Variants in RBBP8 observed in about 807,000 individuals in gnomAD.
RBBP8 encodes RB binding protein 8, endonuclease, also known as DNA endonuclease RBBP8.
A neutral mutation model predicts 108.3 loss-of-function variants in RBBP8; 88 were observed. The ratio of observed to expected loss-of-function variants is 0.81; its 90% CI spans 0.68 to 0.97. The LOEUF (loss-of-function observed/expected upper bound fraction) is 0.97. RBBP8 is among the 50% of genes least tolerant of loss of function. The pLI, the probability that RBBP8 is intolerant of heterozygous loss-of-function variation, is 0.00. For missense variants in RBBP8, 1,023 were observed against 1,049.0 expected (o/e 0.98, Z 0.34); for synonymous variants, 332 against 348.2 (o/e 0.95, Z 0.52).
chr18:22,976,112 G>T (rs1914478527), intron 6 of RBBP8, among the ~76,000 whole-genome samples: 1 of 151,964 alleles, frequency 6.6e-6, no homozygotes, highest in African/African-American at 2.4e-5. Flanking sequence ...CATTATTTTG[G>T]CTTAGAATAG....
Position 22,993,169 on chromosome 18 carries a change from A to C in RBBP8, c.1342A>C (p.Lys448Gln), listed in dbSNP as rs754264740. 2.5e-6 allele frequency: 4 copies of C among 1,614,160 alleles called. No homozygotes were observed. The Admixed American group carries it at 6.7e-5, about 27-fold the overall frequency. ...ATTGGGAGGCCGAACATCCAAAAGGAAGAAAACTGAGGAAGAAAGTGAACA... is the reference window on the plus strand; with the variant it reads ...ATTGGGAGGCCGAACATCCAAAAGGCAGAAAACTGAGGAAGAAAGTGAACA... Reference protein sequence around the residue: ...KSLGGRTSKRKKTEEESEHEV... With the variant: ...KSLGGRTSKRQKTEEESEHEV... The change falls in exon 11 of 19, where the codon AAG becomes CAG. Residue 448 changes from lysine (K) to glutamine (Q), a missense_variant. Lys to Gln is a moderately conservative substitution (Grantham distance 53). Transcript: ENST00000327155.
intron 8 of RBBP8, among the ~76,000 whole-genome samples, chr18:22,988,351 G>C (rs1371296121): frequency 3.3e-5 from 5 of 152,116 alleles, no homozygotes; most frequent in African/African-American, 1.2e-4. Context: ...ACCTAACTGG[G>C]TTCATGTCCT....
chr18:22,996,302 C>G, intron 12 of RBBP8, 72 bp from the exon 13 acceptor site: 4 of 1,585,514 alleles, frequency 2.5e-6, no homozygotes, highest in Non-Finnish European at 3.4e-6. Flanking sequence ...TCTTTAGGTC[C>G]CATAATATTT....
intron 16 of RBBP8, among the ~76,000 whole-genome samples, chr18:23,013,275 T>C (rs1285722397): frequency 2.0e-5 from 3 of 152,128 alleles, no homozygotes; most frequent in Non-Finnish European, 2.9e-5. Flanking sequence ...GCTATGGTTT[T>C]TTAAGGATAG....
chr18:23,024,475 G>C (rs1383045122), intron 18 of RBBP8: 1 of 152,170 alleles, frequency 6.6e-6, no homozygotes, highest in Non-Finnish European at 1.5e-5. Context: ...AAGAGAGGAA[G>C]AATATTAGCT....
chr18:22,977,756 T>C (rs186833598), intron 6 of RBBP8: 3 of 152,298 alleles, frequency 2.0e-5, no homozygotes, highest in Non-Finnish European at 4.4e-5. Context: ...ACACTGCTTA[T>C]AAGTTATATT....
intron 4 of RBBP8, among the ~76,000 whole-genome samples, chr18:22,964,113 C>CA (rs1429803349): frequency 6.6e-6 from 1 of 152,128 alleles, no homozygotes; most frequent in East Asian, 1.9e-4. Context: ...TTTTCCCCCA[C>CA]AATCCCCACC....
chr18:22,949,573 A>G (rs1463064638), intron 3 of RBBP8, 45 bp from the exon 4 acceptor site: 1 of 1,335,340 alleles, frequency 7.5e-7, no homozygotes, highest in African/African-American at 1.4e-5. Flanking sequence ...TTATCCTGTT[A>G]AGAGTATTTT....
chr18:22,963,858 C>T (rs1913331078), intron 4 of RBBP8, among the ~76,000 whole-genome samples: 1 of 151,940 alleles, frequency 6.6e-6, no homozygotes, highest in Non-Finnish European at 1.5e-5. Flanking sequence ...CACTTTATTT[C>T]GATTAGTCCC....
Position 23,016,904 on chromosome 18 carries a change from A to G in RBBP8, c.2434A>G (p.Thr812Ala). 6.2e-7 allele frequency: 1 copy of G among 1,613,378 alleles called. No individual in the cohort carries two copies. Among genetic ancestry groups the G allele is most frequent in the Non-Finnish European group, 8.5e-7 (1 of 1,179,448 alleles). The change falls in exon 17 of 19, where the codon ACG becomes GCG. Residue 812 changes from threonine (T) to alanine (A), a missense_variant. Transcript: ENST00000327155. ...GGAGAGAAGAAAACTGCTTGGGCAC[A>G]CGTGTAAGGAATGTGAAATTGTAAG... ...KEERRKLLGH[T>A]CKECEIYYAD...
Position 22,993,661 on chromosome 18 carries a change from A to T in RBBP8, c.1812+22A>T, listed in dbSNP as rs1288452733. 3 of 1,614,242 alleles carry T rather than the reference A, an allele frequency of 1.9e-6. No homozygotes were observed. The East Asian group carries it at 6.7e-5, about 36-fold the overall frequency. On this transcript the variant is annotated intron_variant, in intron 11 of 18. Coordinates refer to ENST00000327155, the MANE Select transcript of RBBP8 (RefSeq NM_002894.3). ...AAAGGTTTGTGTTAAATGTTCAAGGATTTTGATTAAAATGATTGCTTGTGA... is the reference window on the plus strand; with the variant it reads ...AAAGGTTTGTGTTAAATGTTCAAGGTTTTTGATTAAAATGATTGCTTGTGA...
At chr18:22,968,633 A>G (rs1013704182) in intron 4 of RBBP8, among the ~76,000 whole-genome samples, 173 bp from the exon 5 acceptor site, 1 of 152,226 alleles carries the variant, frequency 6.6e-6, no homozygotes, top group Non-Finnish European at 1.5e-5. Flanking sequence ...AAATGGTGGT[A>G]TAACATGATT....
chr18:22,993,578 T>C lies in RBBP8; in HGVS notation c.1751T>C (p.Phe584Ser), dbSNP rs1915858008. ...SLQIKEENAV[F>S]KIPLRPRESL... ...CAAATAAAAGAAGAAAATGCTGTCTTTAAAATTCCTCTACGTCCACGTGAA... is the reference window on the plus strand; with the variant it reads ...CAAATAAAAGAAGAAAATGCTGTCTCTAAAATTCCTCTACGTCCACGTGAA... The change falls in exon 11 of 19, where the codon TTT becomes TCT. Residue 584 changes from phenylalanine to serine, a missense_variant. Phe to Ser is a radical substitution (Grantham distance 155, BLOSUM62 -2). Transcript: ENST00000327155. 6.2e-7 allele frequency: 1 copy of C among 1,613,788 alleles called. No individual in the cohort carries two copies. The highest frequency in any genetic ancestry group is 1.3e-5 in the African/African-American group (1 of 74,866).
At position 22,936,765 on chromosome 18, in the gene RBBP8, G is replaced by T. The variant is rs1910609341; in HGVS notation, c.-87G>T. On this transcript the variant is annotated 5_prime_UTR_variant, in exon 2 of 19. Transcript: ENST00000327155. ...ATCTGTCATTTCAGGTATTTGACCT[G>T]TCCAAAGACGACTTGATACCTCTAT... is the stretch of plus-strand genomic sequence containing the variant. 2 of 1,501,482 alleles carry T rather than the reference G, an allele frequency of 1.3e-6. No homozygotes were observed. Among genetic ancestry groups the T allele is most frequent in the Non-Finnish European group, 9.2e-7 (1 of 1,081,700 alleles). The allele number at this position is 1,501,482 out of a possible 1,614,324, so 93.0% of individuals were successfully genotyped here.
chr18:23,000,480 A>T (rs1283146939), intron 14 of RBBP8, among the ~76,000 whole-genome samples: 2 of 152,130 alleles, frequency 1.3e-5, no homozygotes, highest in African/African-American at 2.4e-5. Flanking sequence ...AGTGACTCGC[A>T]CCTGTAATCC....
At chr18:22,972,191 T>C (rs921366392) in intron 5 of RBBP8, among the ~76,000 whole-genome samples, 6 of 148,116 alleles carry the variant, frequency 4.1e-5, no homozygotes, top group African/African-American at 1.5e-4. Flanking sequence ...CCGTCTCTAC[T>C]AAAAAAAATA....
chr18:23,019,180 T>G (rs1256999135), intron 17 of RBBP8, among the ~76,000 whole-genome samples: 1 of 152,208 alleles, frequency 6.6e-6, no homozygotes, highest in Non-Finnish European at 1.5e-5. Flanking sequence ...ATTGAGTAAA[T>G]CTCTGGTTTT....
intron 4 of RBBP8, among the ~76,000 whole-genome samples, chr18:22,959,875 T>C (rs1191099650): frequency 6.9e-6 from 1 of 145,984 alleles, no homozygotes; most frequent in African/African-American, 2.5e-5. Context: ...ACTTTCTTTT[T>C]TTTTTTTTTT....
intron 17 of RBBP8, among the ~76,000 whole-genome samples, chr18:23,020,577 A>G (rs1415063941): frequency 6.6e-6 from 1 of 151,930 alleles, no homozygotes; most frequent in Non-Finnish European, 1.5e-5. Context: ...CTTTCAGCTC[A>G]GCAATGAATG....
Sources: allele counts gnomAD v4.1 joint callset (sites outside exome capture counted in the v4.1 genomes callset), GRCh38; gene constraint gnomAD v4.1.1; transcripts MANE v1.5; gene names NCBI Gene and HGNC (gene_info 2026-07-23, HGNC 2026-07-21).